Variants in GSDME observed in about 807,000 individuals in gnomAD.
GSDME encodes the protein gasdermin-E.
Under a neutral mutation model 47.5 loss-of-function variants are expected in GSDME, and 44 were observed. The ratio of observed to expected loss-of-function variants is 0.93; its 90% confidence interval spans 0.73 to 1.19. GSDME has a LOEUF of 1.19. GSDME is among the 50% of genes most tolerant of loss of function. The pLI, the probability that GSDME is intolerant of heterozygous loss-of-function variation, is 0.00. For synonymous variants in GSDME, 258 were observed against 252.8 expected, an observed-to-expected ratio of 1.02 and a Z score of -0.20; for missense variants, 663 against 604.2, an observed-to-expected ratio of 1.10 and a Z score of -1.02.
intron 2 of GSDME, among the ~76,000 whole-genome samples, chr7:24,747,375 C>G (rs1319488565): frequency 6.6e-6 from 1 of 152,150 alleles, no homozygotes; most frequent in African/African-American, 2.4e-5. Flanking sequence ...TCTGTAAACT[C>G]AAATTATCTC....
rs889168369 is a variant in GSDME at position 24,698,908 on chromosome 7, C to G, written c.*118G>C. On this transcript the variant is annotated 3_prime_UTR_variant, in exon 10 of 10. Transcript: ENST00000645220. ...TCATTCATCATGCAAAATGTCACCA[C>G]TTCTTAAACTGTTCTGTAAATTCAT... 5.0e-6 allele frequency: 4 copies of G among 803,346 alleles called. No homozygotes were observed. Among genetic ancestry groups the G allele is most frequent in the Non-Finnish European group, 6.4e-6 (3 of 469,886 alleles). The allele number at this position is 803,346 out of a possible 1,614,324, so 49.8% of individuals were successfully genotyped here.
intron 3 of GSDME, among the ~76,000 whole-genome samples, chr7:24,740,969 G>T (rs531948093): frequency 2.6e-5 from 4 of 152,142 alleles, no homozygotes; most frequent in Admixed American, 1.3e-4. Context: ...AGCCGGGACC[G>T]CGGCCCAGAA....
rs1420398656 is a variant in GSDME, at chr7:24,745,611, C to G, written c.212-857G>C. ...TCTTTTGTAATCCAAACAAAAACCA[C>G]CCTAAAAATAGTCTCTGTGTGGTGG... is the stretch of plus-strand genomic sequence containing the variant. On this transcript the variant is annotated intron_variant, in intron 2 of 9. Transcript: ENST00000645220. The surrounding 1 kb of genome is among the most constrained non-coding windows in gnomAD (Gnocchi z 4.4). Among the ~76,000 whole-genome samples, 1 of 152,120 alleles carries G rather than the reference C, an allele frequency of 6.6e-6. No individual in the cohort carries two copies. The highest frequency in any genetic ancestry group is 1.5e-5 in the Non-Finnish European group (1 of 68,026).
At chr7:24,751,052 G>T (rs1457881970) in intron 1 of GSDME, among the ~76,000 whole-genome samples, 3 of 152,092 alleles carry the variant, frequency 2.0e-5, no homozygotes, top group Admixed American at 1.3e-4. Context: ...TTGTACAATC[G>T]CAGGATGAGA....
chr7:24,779,852 C>G, the GSDME span, among the ~76,000 whole-genome samples: 3 of 152,352 alleles, frequency 2.0e-5, no homozygotes, highest in Admixed American at 6.5e-5. This position sits in a 1 kb window ranked among gnomAD's most constrained non-coding sequence, Gnocchi z 6.0. Context: ...CTTCTCTCTT[C>G]AGCCCCTTTC....
chr7:24,703,235 C>T, intron 8 of GSDME: 1 of 336,992 alleles, frequency 3.0e-6, no homozygotes, highest in Non-Finnish European at 5.8e-6. Context: ...TCAGTTTCCT[C>T]ATTTACCATA....
In GSDME at chr7:24,708,197, T is replaced by C. The variant is rs748432194; in HGVS notation, c.920A>G (p.Gln307Arg). The change falls in exon 7 of 10, where the codon CAG (glutamine) becomes CGG (arginine). Residue 307 changes from glutamine (Q) to arginine (R), a missense_variant. Coordinates refer to ENST00000645220, the MANE Select transcript of GSDME (RefSeq NM_001127453.2). ...CTGGAAGATGTCACTCAAAGCTGTC[T>C]GTTGTGGCTCAGGCAGCTCCGCAAA... ...HPFAELPEPQ[Q>R]TALSDIFQAV... 6.2e-7 allele frequency: 1 copy of C among 1,614,196 alleles called. No individual in the cohort carries two copies. Among genetic ancestry groups the C allele is most frequent in the South Asian group, 1.1e-5 (1 of 91,074 alleles).
At position 24,733,781 on chromosome 7, in the gene GSDME, T is replaced by A. The variant is rs1008895647; in HGVS notation, c.404+10781A>T. On this transcript the variant is annotated intron_variant, in intron 3 of 9. Transcript: ENST00000645220. The surrounding 1 kb of genome is among the most constrained non-coding windows in gnomAD (Gnocchi z 4.3). ...CAGTAGAGTAGAGCACCACATAGAT[T>A]TCTAAGGTTTCCAACTCGAGGCCCT... is the stretch of plus-strand genomic sequence containing the variant. Among the ~76,000 whole-genome samples the A allele has an allele frequency of 6.6e-6, 1 of 152,088 alleles. No homozygotes were observed. Among genetic ancestry groups the A allele is most frequent in the African/African-American group, 2.4e-5 (1 of 41,416 alleles).
the GSDME span, among the ~76,000 whole-genome samples, chr7:24,775,978 G>A: frequency 6.7e-6 from 1 of 148,504 alleles, no homozygotes; most frequent in South Asian, 2.2e-4. Flanking sequence ...TCAGGAGTTT[G>A]AGACTAGCCT....
rs1167058696 is a variant in GSDME at position 24,721,946 on chromosome 7, T to C, written c.405-2728A>G. ...TGGCCACATTTCACTGACTCATTGG[T>C]CACCTCCTCGGGGAAGCATTCCCTG... On this transcript the variant is annotated intron_variant, in intron 3 of 9. Transcript: ENST00000645220. This position sits in a 1 kb window ranked among gnomAD's most constrained non-coding sequence, Gnocchi z 4.1. 2.0e-5 allele frequency among the ~76,000 whole-genome samples: 3 copies of C among 152,212 alleles called. No homozygotes were observed. Among genetic ancestry groups the C allele is most frequent in the African/African-American group, 7.2e-5 (3 of 41,436 alleles).
At chr7:24,766,214 T>TGTGTGC in the GSDME span, among the ~76,000 whole-genome samples, 16 of 151,406 alleles carry the variant, frequency 1.1e-4, no homozygotes, top group African/African-American at 3.6e-4. The surrounding 1 kb of genome is among the most constrained non-coding windows in gnomAD (Gnocchi z 4.2). Flanking sequence ...TGTGTGTGTG[T>TGTGTGC]GCATGTTTGC....
intron 1 of GSDME, among the ~76,000 whole-genome samples, chr7:24,751,206 T>C (rs1790847774): frequency 6.6e-6 from 1 of 152,150 alleles, no homozygotes; most frequent in South Asian, 2.1e-4. Flanking sequence ...TAGGCAATGG[T>C]TCTAAACCAT....
chr7:24,775,703 C>T, the GSDME span, among the ~76,000 whole-genome samples: 1 of 151,716 alleles, frequency 6.6e-6, no homozygotes, highest in Non-Finnish European at 1.5e-5. Context: ...GGTGAAACCC[C>T]GTCTATACTC....
intron 9 of GSDME, among the ~76,000 whole-genome samples, chr7:24,700,609 A>T (rs1004740602): frequency 6.6e-6 from 1 of 152,210 alleles, no homozygotes; most frequent in African/African-American, 2.4e-5. Context: ...ACTCACTGGA[A>T]TGTAAAAGTA....
chr7:24,718,289 A>G (rs1263069462), intron 4 of GSDME, among the ~76,000 whole-genome samples: 1 of 152,230 alleles, frequency 6.6e-6, no homozygotes, highest in East Asian at 1.9e-4. Context: ...CAAGAAGTAA[A>G]TCTCTAAGAA....
At chr7:24,741,006 C>T (rs1022254852) in intron 3 of GSDME, among the ~76,000 whole-genome samples, 5 of 152,128 alleles carry the variant, frequency 3.3e-5, no homozygotes, top group African/African-American at 1.2e-4. Context: ...GACAGGTGTG[C>T]GCGCTCCAGA....
chr7:24,730,773 C>T (rs1790118078), intron 3 of GSDME, among the ~76,000 whole-genome samples: 2 of 152,180 alleles, frequency 1.3e-5, no homozygotes, highest in Admixed American at 1.3e-4. Flanking sequence ...TGAGATCGCA[C>T]CACTGCACTC....
rs1158538474 is a variant in GSDME at position 24,733,357 on chromosome 7, G to A, written c.404+11205C>T. On this transcript the variant is annotated intron_variant, in intron 3 of 9. Coordinates refer to ENST00000645220, the MANE Select transcript of GSDME (RefSeq NM_001127453.2). The surrounding 1 kb of genome is among the most constrained non-coding windows in gnomAD (Gnocchi z 4.3). ...TCAGGTGTGACTCGGCACTTTCACAGCTGTGCTGGCTATGAGGAGAGATTC... is the reference window on the plus strand; with the variant it reads ...TCAGGTGTGACTCGGCACTTTCACAACTGTGCTGGCTATGAGGAGAGATTC... Among the ~76,000 whole-genome samples, 1 of 152,126 alleles carries A rather than the reference G, an allele frequency of 6.6e-6. No individual in the cohort carries two copies. Among genetic ancestry groups the A allele is most frequent in the African/African-American group, 2.4e-5 (1 of 41,424 alleles).
At chr7:24,706,800 C>T (rs1486946578) in intron 7 of GSDME, among the ~76,000 whole-genome samples, 2 of 152,234 alleles carry the variant, frequency 1.3e-5, no homozygotes, top group African/African-American at 4.8e-5. Flanking sequence ...CCCCACAGAG[C>T]CTGCTGTGGA....
Sources: allele counts gnomAD v4.1 joint callset (sites outside exome capture counted in the v4.1 genomes callset), GRCh38; gene constraint gnomAD v4.1.1; non-coding constraint Gnocchi (gnomAD v3.1); transcripts MANE v1.5; gene names NCBI Gene and HGNC (gene_info 2026-07-23, HGNC 2026-07-21).